Variants in KIF5C observed in about 807,000 individuals in gnomAD.
KIF5C encodes the protein kinesin family member 5C.
A neutral mutation model predicts 125.2 loss-of-function variants in KIF5C; 18 were observed. The ratio of observed to expected loss-of-function variants is 0.14; its 90% CI spans 0.10 to 0.21. KIF5C has a LOEUF of 0.21. Ranked by LOEUF, KIF5C falls within the 10% of genes least tolerant of loss-of-function variation. The pLI is 1.00. For missense variants in KIF5C, 780 were observed against 1,183.8 expected (o/e 0.66, Z 5.01); for synonymous variants, 405 against 434.0 (o/e 0.93, Z 0.83).
At chr2:148,899,158 TC>T (rs1680783834) in intron 1 of KIF5C, among the ~76,000 whole-genome samples, 1 of 152,200 alleles carries the variant, frequency 6.6e-6, no homozygotes, top group Admixed American at 6.5e-5. Flanking sequence ...CCTATATAGT[TC>T]TTTCGTCATC....
At chr2:148,902,028 A>G (rs2105057416) in intron 1 of KIF5C, among the ~76,000 whole-genome samples, 1 of 152,334 alleles carries the variant, frequency 6.6e-6, no homozygotes, top group Middle Eastern at 3.4e-3. Flanking sequence ...TGGACTGTGC[A>G]CAGAAGAGAC....
intron 1 of KIF5C, among the ~76,000 whole-genome samples, chr2:148,907,845 A>T (rs1263869080): frequency 2.6e-5 from 4 of 152,028 alleles, no homozygotes; most frequent in Non-Finnish European, 4.4e-5. Flanking sequence ...GTGGTTAGCG[A>T]CCCGGGACAT....
chr2:148,986,893 A>G (rs2105166631), intron 15 of KIF5C, among the ~76,000 whole-genome samples: 1 of 152,352 alleles, frequency 6.6e-6, no homozygotes, highest in South Asian at 2.1e-4. Context: ...AGATGAGTCC[A>G]GCATATAACA....
chr2:148,950,183 T>C, intron 9 of KIF5C, 131 bp from the exon 10 acceptor site: 1 of 1,440,684 alleles, frequency 6.9e-7, no homozygotes, highest in Non-Finnish European at 9.2e-7. Flanking sequence ...TTTGGCAAGA[T>C]CCAAAGACCC....
At chr2:148,970,382 G>A (rs1232396735) in intron 11 of KIF5C, among the ~76,000 whole-genome samples, 2 of 152,144 alleles carry the variant, frequency 1.3e-5, no homozygotes, top group Non-Finnish European at 2.9e-5. Flanking sequence ...GAACAATATT[G>A]CCTTTTGTGC....
chr2:148,976,804 C>T (rs1681087144), intron 12 of KIF5C, among the ~76,000 whole-genome samples: 1 of 150,282 alleles, frequency 6.7e-6, no homozygotes, highest in East Asian at 2.0e-4. Context: ...TGGTCTCGGA[C>T]TCCTGGGCTC....
chr2:148,979,787 A>C (rs1373061936), intron 13 of KIF5C, among the ~76,000 whole-genome samples: 1 of 152,246 alleles, frequency 6.6e-6, no homozygotes, highest in Non-Finnish European at 1.5e-5. Context: ...CATGTTTGAT[A>C]CACTAAAAAG....
intron 17 of KIF5C, among the ~76,000 whole-genome samples, chr2:148,995,029 G>A (rs1054301121): frequency 1.3e-5 from 2 of 152,054 alleles, no homozygotes; most frequent in African/African-American, 4.8e-5. Context: ...TCCCCACACT[G>A]AATCTGCTCA....
chr2:149,023,963 G>A lies in KIF5C; in HGVS notation c.*893G>A, dbSNP rs1256047674. ...CTTTCTCTAACCATTTTCAGCTTGA[G>A]TGGGTATTGCTGAAGAAATCCAACA... On this transcript the variant is annotated 3_prime_UTR_variant, in exon 26 of 26. Transcript: ENST00000435030. The A allele has an allele frequency of 6.6e-6, 1 of 152,208 alleles. No homozygotes were observed. The highest frequency in any genetic ancestry group is 1.5e-5 in the Non-Finnish European group (1 of 68,038). 9.4% of individuals were successfully genotyped at this position (152,208 alleles called of 1,614,324 possible). A position where few individuals can be genotyped will look rare whatever the true frequency, so the allele number is the denominator to read the frequency against.
At chr2:148,943,027 A>G (rs780734321) in intron 7 of KIF5C, among the ~76,000 whole-genome samples, 5 of 152,170 alleles carry the variant, frequency 3.3e-5, no homozygotes, top group Non-Finnish European at 5.9e-5. Context: ...CCTAAGCCTG[A>G]ACATTAGGAA....
chr2:149,021,716 CT>C (rs34201201), intron 25 of KIF5C, among the ~76,000 whole-genome samples: 80,498 of 134,876 alleles, frequency 0.6, 23,336 homozygotes, highest in Admixed American at 0.68. Flanking sequence ...TTACAGAGGG[CT>C]TTTTTTTTTT....
At chr2:148,947,967 A>G (rs1384721369) in intron 8 of KIF5C, 1 of 456,738 alleles carries the variant, frequency 2.2e-6, no homozygotes, top group Admixed American at 2.3e-5. Context: ...CCACGTGAGT[A>G]ATGGTTACTT....
intron 11 of KIF5C, among the ~76,000 whole-genome samples, chr2:148,962,640 C>T (rs544730086): frequency 6.6e-6 from 1 of 152,294 alleles, no homozygotes; most frequent in South Asian, 2.1e-4. Context: ...CATCACTTGG[C>T]TAGCATGCAT....
Position 148,990,993 on chromosome 2 carries a change from TC to T in KIF5C, c.1717-13del. The T allele has an allele frequency of 7.5e-6, 12 of 1,608,930 alleles. No individual in the cohort carries two copies. The highest frequency in any genetic ancestry group is 1.0e-5 in the Non-Finnish European group (12 of 1,176,800). On this transcript the variant is annotated splice_polypyrimidine_tract_variant and intron_variant, in intron 15 of 25. Coordinates refer to ENST00000435030, the MANE Select transcript of KIF5C (RefSeq NM_004522.3). The stretch of plus-strand genomic sequence containing the variant: ...AAATTGTGGGCAACATTTGAGTGTG[TC>T]CCCTTCTTTGCTCAGTTGGCAGATG...
At position 149,000,456 on chromosome 2, in the gene KIF5C, G is replaced by A. The variant is rs1369051674; in HGVS notation, c.2244G>A (p.Lys748=). 6.3e-7 allele frequency: 1 copy of A among 1,586,544 alleles called. No individual in the cohort carries two copies. Among genetic ancestry groups the A allele is most frequent in the South Asian group, 1.1e-5 (1 of 87,612 alleles). ...AGAAACTGCAACTGGAACAGGAGAA[G>A]CTTAGTTCTGATTATAACAAGCTGA... ...LNQKLQLEQE[K]LSSDYNKLKI... The change falls in exon 20 of 26, where the codon AAG becomes AAA. Residue 748 remains lysine (K), a synonymous_variant. Coordinates refer to ENST00000435030, the MANE Select transcript of KIF5C (RefSeq NM_004522.3).
At chr2:148,906,753 T>G (rs1681124764) in intron 1 of KIF5C, among the ~76,000 whole-genome samples, 1 of 150,316 alleles carries the variant, frequency 6.7e-6, no homozygotes, top group African/African-American at 2.5e-5. Context: ...TAGTCCCAGC[T>G]CCTCAGTGGG....
chr2:149,022,028 C>T (rs1309567154), intron 25 of KIF5C, among the ~76,000 whole-genome samples: 2 of 152,062 alleles, frequency 1.3e-5, no homozygotes, highest in African/African-American at 4.8e-5. Context: ...GGAGATGCGC[C>T]CAGCACCAGC....
At chr2:148,931,627 C>T (rs564998676) in intron 3 of KIF5C, among the ~76,000 whole-genome samples, 1 of 152,220 alleles carries the variant, frequency 6.6e-6, no homozygotes, top group East Asian at 1.9e-4. Context: ...TACACCACTG[C>T]GCTCCAGCCT....
In KIF5C at chr2:149,000,498, G is replaced by A; in HGVS notation, c.2286G>A (p.Glu762=). ...DYNKLKIEDQ[E]REMKLEKLLL... is the part of the protein sequence containing the mutation. ...ACAAGCTGAAAATAGAGGACCAAGA[G>A]AGAGAAATGAAGCTGGAAAAGCTCT... Residue 762 remains glutamate, a synonymous_variant, in exon 20 of 26, where the codon GAG becomes GAA. Transcript: ENST00000435030. 2 of 1,571,048 alleles carry A rather than the reference G, an allele frequency of 1.3e-6. No homozygotes were observed. Among genetic ancestry groups the A allele is most frequent in the South Asian group, 2.3e-5 (2 of 86,518 alleles).
Sources: gnomAD v4.1 joint callset for allele counts (sites outside exome capture counted in the v4.1 genomes callset) on GRCh38, gnomAD v4.1.1 for gene constraint, MANE v1.5 for transcripts, NCBI Gene and HGNC (gene_info 2026-07-23, HGNC 2026-07-21) for gene names.